The following TSPAN18 variants were observed in gnomAD, a reference collection of about 807,000 sequenced individuals.
The protein encoded by TSPAN18 is tetraspanin 18.
Under a neutral mutation model 27.3 loss-of-function variants are expected in TSPAN18, and 14 were observed. That is an observed-to-expected ratio of 0.51 (90% CI 0.34 to 0.80). TSPAN18 has a LOEUF of 0.80. Among genes scored for constraint, TSPAN18 ranks in the 30% least tolerant of loss-of-function variants. The pLI is 0.01. For synonymous variants in TSPAN18, 143 were observed against 136.5 expected, an observed-to-expected ratio of 1.05 and a Z score of -0.33; for missense variants, 268 against 323.9, an observed-to-expected ratio of 0.83 and a Z score of 1.32.
At chr11:44,914,217 C>T (rs1416254565) in intron 5 of TSPAN18, among the ~76,000 whole-genome samples, 1 of 152,212 alleles carries the variant, frequency 6.6e-6, no homozygotes, top group Non-Finnish European at 1.5e-5. Context: ...GTGCCTGGCA[C>T]AGAGCAGGTG....
chr11:44,884,525 CT>C (rs1858585841), intron 3 of TSPAN18, among the ~76,000 whole-genome samples: 1 of 152,234 alleles, frequency 6.6e-6, no homozygotes, highest in Admixed American at 6.5e-5. Context: ...AAGATCCCCC[CT>C]GTGCGGTTCA....
chr11:44,896,310 G>T (rs1042990912), intron 3 of TSPAN18, among the ~76,000 whole-genome samples: 3 of 152,140 alleles, frequency 2.0e-5, no homozygotes, highest in Admixed American at 6.5e-5. Flanking sequence ...TTGGATTCCA[G>T]CCCCATCACT....
intron 2 of TSPAN18, among the ~76,000 whole-genome samples, chr11:44,836,150 C>A (rs1379182167): frequency 6.6e-6 from 1 of 152,176 alleles, no homozygotes; most frequent in Non-Finnish European, 1.5e-5. Context: ...GATTAAACTT[C>A]ATAAGGAAGG....
chr11:44,733,792 C>T (rs1406135922), intron 1 of TSPAN18, among the ~76,000 whole-genome samples: 2 of 152,162 alleles, frequency 1.3e-5, no homozygotes, highest in Non-Finnish European at 2.9e-5. Context: ...TTCCAAGGCG[C>T]ACCTGGTGCT....
chr11:44,842,531 C>A (rs1042160214), intron 2 of TSPAN18, among the ~76,000 whole-genome samples: 1 of 152,078 alleles, frequency 6.6e-6, no homozygotes, highest in Non-Finnish European at 1.5e-5. Context: ...CCAAGAATGG[C>A]TGATTGACTT....
Position 44,861,801 on chromosome 11 carries a change from A to T in TSPAN18, c.-11+1332A>T, listed in dbSNP as rs1163249880. On this transcript the variant is annotated intron_variant, in intron 3 of 9. Coordinates refer to ENST00000520358, the MANE Select transcript of TSPAN18 (RefSeq NM_130783.5). ...ATCTGAAAGCCCAAATTTCACACAC[A>T]CACACACACACACACACACACACAC... Among the ~76,000 whole-genome samples the T allele has an allele frequency of 2.3e-4, 33 of 140,520 alleles. 1 individual carries two copies. Among genetic ancestry groups the T allele is most frequent in the South Asian group, 9.0e-4 (4 of 4,426 alleles). The allele number at this position is 140,520 out of a possible 152,430, so 92.2% of individuals were successfully genotyped here.
intron 2 of TSPAN18, among the ~76,000 whole-genome samples, chr11:44,776,317 C>A (rs1050090290): frequency 2.0e-5 from 3 of 152,220 alleles, no homozygotes; most frequent in African/African-American, 7.2e-5. Flanking sequence ...GGGGCTGGGA[C>A]TGAAGCCAGC....
intron 2 of TSPAN18, among the ~76,000 whole-genome samples, chr11:44,781,687 CT>C (rs1298574809): frequency 5.2e-4 from 79 of 152,272 alleles, no homozygotes; most frequent in Non-Finnish European, 1.8e-4. Context: ...AACTTTTTTC[CT>C]TTTCCCCCTA....
intron 3 of TSPAN18, among the ~76,000 whole-genome samples, chr11:44,871,958 G>C (rs1051127890): frequency 6.6e-6 from 1 of 151,962 alleles, no homozygotes; most frequent in South Asian, 2.1e-4. Flanking sequence ...GAGTCTCGCT[G>C]TGTCACCCAG....
chr11:44,814,313 T>A (rs1336799990), intron 2 of TSPAN18, among the ~76,000 whole-genome samples: 1 of 152,074 alleles, frequency 6.6e-6, no homozygotes, highest in African/African-American at 2.4e-5. Context: ...CCTCTTCCCA[T>A]CCCCCAGATA....
intron 2 of TSPAN18, among the ~76,000 whole-genome samples, chr11:44,777,805 C>CA (rs1855848383): frequency 6.6e-6 from 1 of 152,136 alleles, no homozygotes; most frequent in Non-Finnish European, 1.5e-5. Flanking sequence ...AGGAGGGTGT[C>CA]CGGGTAGACG....
chr11:44,927,094 G>A (rs775480102), intron 9 of TSPAN18, among the ~76,000 whole-genome samples: 23 of 152,194 alleles, frequency 1.5e-4, no homozygotes, highest in Non-Finnish European at 2.8e-4. Context: ...GCATCAGCAC[G>A]GCTGCCTTGA....
intron 5 of TSPAN18, among the ~76,000 whole-genome samples, chr11:44,910,997 C>T (rs549760387): frequency 5.3e-5 from 8 of 152,356 alleles, no homozygotes; most frequent in Admixed American, 3.9e-4. Flanking sequence ...TGGGTCTTCT[C>T]GTTCTCGAGT....
intron 2 of TSPAN18, among the ~76,000 whole-genome samples, chr11:44,824,742 T>C (rs548111043): frequency 2.6e-5 from 4 of 152,340 alleles, no homozygotes; most frequent in Admixed American, 2.6e-4. Flanking sequence ...GGGCCAGTGC[T>C]GGGTTTTAAT....
intron 2 of TSPAN18, among the ~76,000 whole-genome samples, chr11:44,770,289 T>TG (rs956179917): frequency 1.8e-4 from 27 of 152,002 alleles, no homozygotes; most frequent in Non-Finnish European, 3.4e-4. Flanking sequence ...GGTGGTGGGT[T>TG]GGGGGAGGAT....
intron 3 of TSPAN18, among the ~76,000 whole-genome samples, chr11:44,894,545 C>T (rs1007999019): frequency 2.0e-5 from 3 of 152,230 alleles, no homozygotes; most frequent in African/African-American, 7.2e-5. Context: ...CCTCCTGGGC[C>T]CCTGCTCCGT....
intron 3 of TSPAN18, among the ~76,000 whole-genome samples, chr11:44,862,505 A>T (rs1857924743): frequency 6.6e-6 from 1 of 152,220 alleles, no homozygotes; most frequent in South Asian, 2.1e-4. Flanking sequence ...TGGTGAGCTC[A>T]GCACCTCTGG....
chr11:44,919,183 G>T, intron 6 of TSPAN18, 31 bp from the exon 7 acceptor site: 2 of 1,586,908 alleles, frequency 1.3e-6, no homozygotes, highest in Non-Finnish European at 1.7e-6. Flanking sequence ...CAACTGCCAG[G>T]CCTAAGCCCA....
chr11:44,878,681 T>C (rs959743973), intron 3 of TSPAN18, among the ~76,000 whole-genome samples: 1 of 152,236 alleles, frequency 6.6e-6, no homozygotes, highest in Non-Finnish European at 1.5e-5. Flanking sequence ...ACACCTACTT[T>C]TTTATTTAAA....
Sources: allele counts gnomAD v4.1 joint callset (sites outside exome capture counted in the v4.1 genomes callset), GRCh38; gene constraint gnomAD v4.1.1; transcripts MANE v1.5; gene names NCBI Gene and HGNC (gene_info 2026-07-23, HGNC 2026-07-21).